CENPM: variants seen among roughly 807,000 people sequenced by gnomAD.
CENPM encodes interphase centromere complex protein 39.
CENPM carries 14 observed loss-of-function variants against 19.6 expected under a neutral mutation model. The ratio of observed to expected loss-of-function variants is 0.71; its 90% CI spans 0.47 to 1.11. CENPM has a LOEUF of 1.11. Ranked by LOEUF, CENPM falls within the 50% of genes most tolerant of loss-of-function variation. The pLI is 0.00. For missense variants in CENPM, 239 were observed against 228.4 expected, an observed-to-expected ratio of 1.05 and a Z score of -0.30; for synonymous variants, 114 against 101.5, an observed-to-expected ratio of 1.12 and a Z score of -0.74.
chr22:41,932,854 C>T, the CENPM span, among the ~76,000 whole-genome samples: 2 of 152,190 alleles, frequency 1.3e-5, no homozygotes, highest in Non-Finnish European at 2.9e-5. This position sits in a 1 kb window ranked among gnomAD's most constrained non-coding sequence, Gnocchi z 4.3. Context: ...CCGACCCCTG[C>T]GCGGATGCCT....
the CENPM span, among the ~76,000 whole-genome samples, chr22:41,930,215 A>G: frequency 6.8e-6 from 1 of 147,226 alleles, no homozygotes; most frequent in African/African-American, 2.5e-5. Context: ...TGATGGGATT[A>G]CAGACGTGAG....
rs2077697785 is a variant in CENPM, at chr22:41,938,862, C to T, written c.*194G>A. ...TGAGTGTGGGAGTGGGAGGGGGCTA[C>T]AGTCTCGCCAGCTGGGCCCCCTCGC... On this transcript the variant is annotated 3_prime_UTR_variant, in exon 6 of 6. Coordinates refer to ENST00000215980, the MANE Select transcript of CENPM (RefSeq NM_024053.5). 3 of 598,336 alleles carry T rather than the reference C, an allele frequency of 5.0e-6. No homozygotes were observed. The highest frequency in any genetic ancestry group is 8.6e-6 in the Non-Finnish European group (3 of 348,806). The allele number at this position is 598,336 out of a possible 1,614,324, so 37.1% of individuals were successfully genotyped here. A position where few individuals can be genotyped will look rare whatever the true frequency, so the allele number is the denominator to read the frequency against.
At chr22:41,930,865 C>G in the CENPM span, among the ~76,000 whole-genome samples, 3 of 137,006 alleles carry the variant, frequency 2.2e-5, no homozygotes, top group African/African-American at 8.6e-5. Flanking sequence ...GAGATGGAGT[C>G]TCGCTCTGTT....
intron 4 of CENPM, chr22:41,944,246 G>A (rs2146613295): frequency 2.1e-6 from 1 of 476,774 alleles, no homozygotes; most frequent in East Asian, 1.5e-4. Flanking sequence ...AGACCAGCCT[G>A]GCCAACATGG....
At position 41,946,754 on chromosome 22, in the gene CENPM, C is replaced by T. The variant is rs1260152663; in HGVS notation, c.58-258G>A. ...CGGCCTCTCCAGGAGGCCAGACCCC[C>T]AGACGCGGGAAAACCAATTCCAGGC... On this transcript the variant is annotated intron_variant, in intron 1 of 5. Transcript: ENST00000215980. 2.7e-5 allele frequency: 16 copies of T among 599,848 alleles called. No homozygotes were observed. In the East Asian group the frequency reaches 4.4e-4, roughly 17 times the overall value. The allele number at this position is 599,848 out of a possible 1,614,324, so 37.2% of individuals were successfully genotyped here. A position where few individuals can be genotyped will look rare whatever the true frequency, so the allele number is the denominator to read the frequency against.
the CENPM span, among the ~76,000 whole-genome samples, chr22:41,930,299 G>C: frequency 3.5e-5 from 5 of 144,296 alleles, no homozygotes; most frequent in Admixed American, 6.9e-5. Context: ...GCGTGATCTC[G>C]GCTCACTGCA....
chr22:41,931,870 G>A, the CENPM span, among the ~76,000 whole-genome samples: 1 of 152,234 alleles, frequency 6.6e-6, no homozygotes, highest in Admixed American at 6.5e-5. Context: ...CTGGGGCCTG[G>A]GATGCACTCT....
At chr22:41,928,709 G>A in the CENPM span, among the ~76,000 whole-genome samples, 1 of 152,252 alleles carries the variant, frequency 6.6e-6, no homozygotes, top group South Asian at 2.1e-4. The surrounding 1 kb of genome is among the most constrained non-coding windows in gnomAD (Gnocchi z 4.0). Context: ...TGGGAGGGAG[G>A]AGGGAGCATC....
the CENPM span, among the ~76,000 whole-genome samples, chr22:41,932,818 C>T: frequency 1.3e-5 from 2 of 152,202 alleles, no homozygotes; most frequent in Admixed American, 1.3e-4. This position sits in a 1 kb window ranked among gnomAD's most constrained non-coding sequence, Gnocchi z 4.3. Context: ...GGGTACCACG[C>T]AGGAAGGCCC....
chr22:41,946,024 C>A lies in CENPM; in HGVS notation c.138-19G>T. On this transcript the variant is annotated intron_variant, in intron 2 of 5. Coordinates refer to ENST00000215980, the MANE Select transcript of CENPM (RefSeq NM_024053.5). ...CAAGTGGCTGAAAAACAGGAAATTG[C>A]AGGACTCAAGATATCCGTACCCCCC... is the stretch of plus-strand genomic sequence containing the variant. The A allele has an allele frequency of 1.2e-6, 2 of 1,601,966 alleles. No individual in the cohort carries two copies. Among genetic ancestry groups the A allele is most frequent in the Non-Finnish European group, 1.7e-6 (2 of 1,169,732 alleles).
In CENPM at chr22:41,939,260, G is replaced by A. The variant is rs2077703590; in HGVS notation, c.403-64C>T. On this transcript the variant is annotated intron_variant, in intron 5 of 5. Transcript: ENST00000215980. ...TGGCCCTGCTCCCTTACCCAGAGCA[G>A]CTGCAGGGGCTGCCAGAGCAGGGCT... 4 of 1,511,580 alleles carry A rather than the reference G, an allele frequency of 2.6e-6. No individual in the cohort carries two copies. The East Asian group carries it at 7.3e-5, about 28-fold the overall frequency. 93.6% of individuals were successfully genotyped at this position (1,511,580 alleles called of 1,614,324 possible).
chr22:41,944,771 C>CA lies in CENPM; in HGVS notation c.310+453dup, dbSNP rs1213535392. The CA allele has an allele frequency of 5.0e-6, 5 of 996,536 alleles. No individual in the cohort carries two copies. The African/African-American group carries it at 8.7e-5, about 17-fold the overall frequency. The allele number at this position is 996,536 out of a possible 1,614,324, so 61.7% of individuals were successfully genotyped here. ...AGCTCAGAAGGCAGAGGCCAAACTG[C>CA]AAAGTGTTTTATGTCTTTAGAGTTT... On this transcript the variant is annotated intron_variant, in intron 4 of 5. Transcript: ENST00000215980.
At chr22:41,937,589 C>T (rs1393260594), downstream of CENPM, among the ~76,000 whole-genome samples, 1 of 152,200 alleles carries the variant, frequency 6.6e-6, no homozygotes, top group Non-Finnish European at 1.5e-5. Context: ...CACTGAGTGC[C>T]TACCTAGCAA....
At chr22:41,934,477 C>G (rs1479019752), downstream of CENPM, among the ~76,000 whole-genome samples, 1 of 152,230 alleles carries the variant, frequency 6.6e-6, no homozygotes, top group Non-Finnish European at 1.5e-5. Flanking sequence ...CTTCCAGTAG[C>G]CTTCGCCCCC....
At chr22:41,940,949 A>C (rs1346576736) in intron 5 of CENPM, among the ~76,000 whole-genome samples, 1 of 152,152 alleles carries the variant, frequency 6.6e-6, no homozygotes, top group Non-Finnish European at 1.5e-5. Context: ...TCTGACCACA[A>C]TCATGACTTT....
chr22:41,941,466 C>T (rs1206360778), intron 5 of CENPM, among the ~76,000 whole-genome samples: 1 of 152,202 alleles, frequency 6.6e-6, no homozygotes, highest in Admixed American at 6.5e-5. Context: ...CACCTCATGG[C>T]CACAGACAGA....
At chr22:41,930,538 T>G in the CENPM span, among the ~76,000 whole-genome samples, 2 of 151,596 alleles carry the variant, frequency 1.3e-5, no homozygotes, top group Admixed American at 1.3e-4. Context: ...GGAGTTTCAC[T>G]CTTATCGCCC....
the CENPM span, among the ~76,000 whole-genome samples, chr22:41,932,877 CCACT>C: frequency 6.6e-5 from 10 of 152,232 alleles, no homozygotes; most frequent in African/African-American, 1.4e-4. The surrounding 1 kb of genome is among the most constrained non-coding windows in gnomAD (Gnocchi z 4.3). Context: ...CCGTCACTCG[CCACT>C]CACTCACTTA....
chr22:41,943,241 C>A (rs532866627), intron 5 of CENPM, among the ~76,000 whole-genome samples: 1 of 152,282 alleles, frequency 6.6e-6, no homozygotes, highest in East Asian at 1.9e-4. Context: ...TCACTTACAC[C>A]CCAGCAGGAG....
Sources: gnomAD v4.1 joint callset for allele counts (sites outside exome capture counted in the v4.1 genomes callset) on GRCh38, gnomAD v4.1.1 for gene constraint, Gnocchi (gnomAD v3.1) non-coding constraint, MANE v1.5 for transcripts, NCBI Gene and HGNC (gene_info 2026-07-23, HGNC 2026-07-21) for gene names.